The following DCAF11 variants were observed in gnomAD, a reference collection of about 807,000 sequenced individuals.
DCAF11 encodes DDB1 and CUL4 associated factor 11.
DCAF11 carries 44 observed loss-of-function variants against 76.1 expected under a neutral mutation model. The ratio of observed to expected loss-of-function variants is 0.58; its 90% CI spans 0.45 to 0.74. The LOEUF is 0.74. Ranked by LOEUF, DCAF11 falls within the 30% of genes least tolerant of loss-of-function variation. The pLI is 0.00. For missense variants in DCAF11, 604 were observed against 709.4 expected (o/e 0.85, Z 1.69); for synonymous variants, 258 against 255.0 (o/e 1.01, Z -0.11).
intron 14 of DCAF11, 24 bp from the exon 15 acceptor site, chr14:24,123,151 T>A: frequency 6.2e-7 from 1 of 1,613,962 alleles, no homozygotes; most frequent in Non-Finnish European, 8.5e-7. Context: ...ACATCCTGAC[T>A]GCTTGCCACC....
intron 11 of DCAF11, 57 bp downstream of exon 11, chr14:24,119,953 G>A (rs1472045636): frequency 1.3e-5 from 19 of 1,510,770 alleles, no homozygotes; most frequent in Non-Finnish European, 1.6e-5. Flanking sequence ...TTGCCCAGGA[G>A]GGCATGAAAG....
chr14:24,115,464 C>A lies in DCAF11; in HGVS notation c.-131C>A. The A allele has an allele frequency of 7.4e-7, 1 of 1,342,312 alleles. No individual in the cohort carries two copies. Among genetic ancestry groups the A allele is most frequent in the Non-Finnish European group, 1.0e-6 (1 of 997,600 alleles). The allele number at this position is 1,342,312 out of a possible 1,614,324, so 83.2% of individuals were successfully genotyped here. On this transcript the variant is annotated 5_prime_UTR_variant, in exon 2 of 15. Coordinates refer to ENST00000446197, the MANE Select transcript of DCAF11 (RefSeq NM_025230.5). Reference sequence around the variant, plus strand: ...GGATCTCAGCCCCGAGGAAGGGTCACCCTCCTAGAGATAGCTACTACCCCG... The same window carrying A: ...GGATCTCAGCCCCGAGGAAGGGTCAACCTCCTAGAGATAGCTACTACCCCG...
At chr14:24,119,359 C>G in intron 9 of DCAF11, 146 bp downstream of exon 9, 1 of 1,248,092 alleles carries the variant, frequency 8.0e-7, no homozygotes, top group Non-Finnish European at 1.2e-6. Context: ...TGCTTCACCC[C>G]TTGCTCTCCA....
chr14:24,117,532 C>T lies in DCAF11; in HGVS notation c.412-136C>T, dbSNP rs1019382108. On this transcript the variant is annotated intron_variant, in intron 4 of 14. Transcript: ENST00000446197. The surrounding 1 kb of genome is among the most constrained non-coding windows in gnomAD (Gnocchi z 4.3). ...GGCTGGAGAGTTAACCAGCCTCCAT[C>T]GGAGTTCTGTGGGACAGACTATGAT... 26 of 1,521,484 alleles carry T rather than the reference C, an allele frequency of 1.7e-5. No individual in the cohort carries two copies. Among genetic ancestry groups the T allele is most frequent in the South Asian group, 7.3e-5 (6 of 82,464 alleles). 94.2% of individuals were successfully genotyped at this position (1,521,484 alleles called of 1,614,324 possible).
At position 24,115,568 on chromosome 14, in the gene DCAF11, A is replaced by T; in HGVS notation, c.-27A>T. ...GAGGTGACAGGAGGAGCCCCCGCAC[A>T]GGACCTAAGAATGCTGTGACCAGAA... On this transcript the variant is annotated 5_prime_UTR_variant, in exon 2 of 15. Coordinates refer to ENST00000446197, the MANE Select transcript of DCAF11 (RefSeq NM_025230.5). The T allele has an allele frequency of 6.3e-7, 1 of 1,594,060 alleles. No individual in the cohort carries two copies. The highest frequency in any genetic ancestry group is 8.5e-7 in the Non-Finnish European group (1 of 1,169,838).
rs2037529469 is a variant in DCAF11, at chr14:24,115,500, C to T, written c.-95C>T. 7 of 1,501,870 alleles carry T rather than the reference C, an allele frequency of 4.7e-6. No individual in the cohort carries two copies. Among genetic ancestry groups the T allele is most frequent in the Admixed American group, 2.2e-5 (1 of 45,058 alleles). The allele number at this position is 1,501,870 out of a possible 1,614,324, so 93.0% of individuals were successfully genotyped here. A position where few individuals can be genotyped will look rare whatever the true frequency, so the allele number is the denominator to read the frequency against. ...ATAGCTACTACCCCGTCTCAGGAGA[C>T]CCTGGTATTTCTAGAGCACGCTTTG... On this transcript the variant is annotated 5_prime_UTR_variant, in exon 2 of 15. Coordinates refer to ENST00000446197, the MANE Select transcript of DCAF11 (RefSeq NM_025230.5).
rs142043152 is a variant in DCAF11, at chr14:24,117,365, A to T, written c.383A>T (p.Lys128Met). The change falls in exon 4 of 15, where the codon AAG becomes ATG. Residue 128 changes from lysine to methionine, a missense_variant. By Grantham distance (95) the Lys-to-Met change is moderately conservative. Coordinates refer to ENST00000446197, the MANE Select transcript of DCAF11 (RefSeq NM_025230.5). This position sits in a 1 kb window ranked among gnomAD's most constrained non-coding sequence, Gnocchi z 4.3. ...CTGGGGCTTAGGCGGGCCGCCCAGA[A>T]GCACAGCTTTCCTCGAATGTTGCAC... The part of the protein sequence containing the change: ...GQLGLRRAAQ[K>M]HSFPRMLHQR... 1.9e-4 allele frequency: 311 copies of T among 1,614,140 alleles called. No homozygotes were observed. Among genetic ancestry groups the T allele is most frequent in the Non-Finnish European group, 2.5e-4 (293 of 1,180,060 alleles).
Position 24,115,521 on chromosome 14 carries a change from C to T in DCAF11, c.-74C>T. On this transcript the variant is annotated 5_prime_UTR_variant, in exon 2 of 15. Coordinates refer to ENST00000446197, the MANE Select transcript of DCAF11 (RefSeq NM_025230.5). ...GAGACCCTGGTATTTCTAGAGCACG[C>T]TTTGCTTTCACCAAACCCAAGGAGG... is the stretch of plus-strand genomic sequence containing the variant. 1 of 1,525,764 alleles carries T rather than the reference C, an allele frequency of 6.6e-7. No individual in the cohort carries two copies. The highest frequency in any genetic ancestry group is 8.8e-7 in the Non-Finnish European group (1 of 1,138,146). 94.5% of individuals were successfully genotyped at this position (1,525,764 alleles called of 1,614,324 possible).
intron 11 of DCAF11, 142 bp downstream of exon 11, chr14:24,120,038 A>C: frequency 5.4e-5 from 58 of 1,076,070 alleles, no homozygotes; most frequent in Middle Eastern, 3.1e-4. Context: ...GAAGGGGCTC[A>C]AGCCAGGGAA....
In DCAF11 at chr14:24,123,077, G is replaced by A. The variant is rs1452462163; in HGVS notation, c.1506G>A (p.Ser502=). 5 of 1,614,072 alleles carry A rather than the reference G, an allele frequency of 3.1e-6. No homozygotes were observed. Among genetic ancestry groups the A allele is most frequent in the Admixed American group, 1.7e-5 (1 of 60,024 alleles). The change falls in exon 14 of 15, where the codon TCG becomes TCA. Residue 502 remains serine, a splice_region_variant and synonymous_variant. Coordinates refer to ENST00000446197, the MANE Select transcript of DCAF11 (RefSeq NM_025230.5). ...HPFEEKIVSS[S]WDGNLRLWQY... is the part of the protein sequence containing the mutation. The stretch of plus-strand genomic sequence containing the variant: ...TTGAAGAGAAGATTGTCAGCAGTTC[G>A]GTGAGGTTGCAAGGGTTGAGGGTGC...
At position 24,117,000 on chromosome 14, in the gene DCAF11, A is replaced by G. The variant is rs774815144; in HGVS notation, c.239A>G (p.Asp80Gly). 1.2e-6 allele frequency: 2 copies of G among 1,614,236 alleles called. No homozygotes were observed. Among genetic ancestry groups the G allele is most frequent in the Non-Finnish European group, 1.7e-6 (2 of 1,180,030 alleles). The stretch of plus-strand genomic sequence containing the variant: ...CTCTTGGACTCAGAGGAAGAGAATG[A>G]CAGAGCTTGGGATGGTCGTCTTGGG... ...QALLDSEEEN[D>G]RAWDGRLGDR... is the part of the protein sequence containing the mutation. Residue 80 changes from aspartate (D) to glycine (G), a missense_variant, in exon 3 of 15, where the codon GAC becomes GGC. By Grantham distance (94) the Asp-to-Gly change is moderately conservative. Transcript: ENST00000446197.
Position 24,114,860 on chromosome 14 carries a change from C to T in DCAF11, c.-647C>T. The T allele has an allele frequency of 3.0e-6, 3 of 985,942 alleles. No individual in the cohort carries two copies. The highest frequency in any genetic ancestry group is 3.6e-6 in the Non-Finnish European group (3 of 829,958). The allele number at this position is 985,942 out of a possible 1,614,324, so 61.1% of individuals were successfully genotyped here. On this transcript the variant is annotated 5_prime_UTR_variant, in exon 1 of 15. Coordinates refer to ENST00000446197, the MANE Select transcript of DCAF11 (RefSeq NM_025230.5). ...GTGACGGAGGAGCGGTTGGCCAACG[C>T]AGTGGCGGCAGTCGGTGTAAACAAG...
rs551323225 is a variant in DCAF11, at chr14:24,115,103, G to A, written c.-404G>A. On this transcript the variant is annotated 5_prime_UTR_variant, in exon 1 of 15. Coordinates refer to ENST00000446197, the MANE Select transcript of DCAF11 (RefSeq NM_025230.5). ...CACTGCTGCCGGCCTTTGTAAGGGG[G>A]CGCTCTGATTGGTCGATAAGGTGGG... The A allele has an allele frequency of 3.9e-5, 32 of 828,670 alleles. No individual in the cohort carries two copies. Among genetic ancestry groups the A allele is most frequent in the Non-Finnish European group, 1.7e-5 (12 of 686,316 alleles). 51.3% of individuals were successfully genotyped at this position (828,670 alleles called of 1,614,324 possible).
In DCAF11 at chr14:24,120,246, T is replaced by TA. The variant is rs1223791114; in HGVS notation, c.1092+361dup. On this transcript the variant is annotated intron_variant, in intron 11 of 14. Coordinates refer to ENST00000446197, the MANE Select transcript of DCAF11 (RefSeq NM_025230.5). ...TAGCGAGACCTCATCTCTATTTATT[T>TA]AAAAAAAAAAACAAAAAAAAAAAAC... 1.9e-3 allele frequency among the ~76,000 whole-genome samples: 279 copies of TA among 144,252 alleles called. 5 individuals are homozygous for TA. In the South Asian group the frequency reaches 0.033, roughly 17 times the overall value. 94.6% of individuals were successfully genotyped at this position (144,252 alleles called of 152,430 possible).
rs1352331472 is a variant in DCAF11 at position 24,123,200 on chromosome 14, A to G, written c.1532A>G (p.Gln511Arg). ...SSWDGNLRLWQYRQAEYFQDD... is the reference protein window; with the variant it reads ...SSWDGNLRLWRYRQAEYFQDD... ...TGGGACGGGAACCTGCGTCTGTGGC[A>G]GTACCGCCAGGCTGAGTACTTCCAG... Residue 511 changes from glutamine to arginine, a missense_variant, in exon 15 of 15, where the codon CAG becomes CGG. Physicochemically the swap from Gln to Arg is conservative, Grantham distance 43 (BLOSUM62 1). Coordinates refer to ENST00000446197, the MANE Select transcript of DCAF11 (RefSeq NM_025230.5). The G allele has an allele frequency of 1.2e-6, 2 of 1,604,356 alleles. No homozygotes were observed. The highest frequency in any genetic ancestry group is 1.7e-4 in the Middle Eastern group (1 of 6,020).
chr14:24,124,833 G>C lies in DCAF11; in HGVS notation c.*1524G>C, dbSNP rs1373620406. 1 of 152,222 alleles carries C rather than the reference G, an allele frequency of 6.6e-6. No homozygotes were observed. The highest frequency in any genetic ancestry group is 2.4e-5 in the African/African-American group (1 of 41,450). 9.4% of individuals were successfully genotyped at this position (152,222 alleles called of 1,614,324 possible). On this transcript the variant is annotated 3_prime_UTR_variant, in exon 15 of 15. Transcript: ENST00000446197. ...GAGATAGGTGGATCACCTGAAGTCA[G>C]GTGTTTGAGACCAGCCTGGCCAACA...
chr14:24,124,259 G>A lies in DCAF11; in HGVS notation c.*950G>A, dbSNP rs1246889669. 1 of 152,242 alleles carries A rather than the reference G, an allele frequency of 6.6e-6. No homozygotes were observed. The highest frequency in any genetic ancestry group is 2.4e-5 in the African/African-American group (1 of 41,454). The allele number at this position is 152,242 out of a possible 1,614,324, so 9.4% of individuals were successfully genotyped here. A position where few individuals can be genotyped will look rare whatever the true frequency, so the allele number is the denominator to read the frequency against. On this transcript the variant is annotated 3_prime_UTR_variant, in exon 15 of 15. Transcript: ENST00000446197. ...AGAAGCTTCCCTGCAAGTAGATATCGAGAGAGCACACTTTCCATTAGAGCC... is the reference window on the plus strand; with the variant it reads ...AGAAGCTTCCCTGCAAGTAGATATCAAGAGAGCACACTTTCCATTAGAGCC...
In DCAF11 at chr14:24,115,443, C is replaced by G. The variant is rs2037527952; in HGVS notation, c.-152C>G. 8.9e-7 allele frequency: 1 copy of G among 1,125,340 alleles called. No individual in the cohort carries two copies. Among genetic ancestry groups the G allele is most frequent in the Non-Finnish European group, 1.2e-6 (1 of 813,166 alleles). The allele number at this position is 1,125,340 out of a possible 1,614,324, so 69.7% of individuals were successfully genotyped here. On this transcript the variant is annotated 5_prime_UTR_variant, in exon 2 of 15. The change creates a new upstream start codon in the 5' untranslated region. Transcript: ENST00000446197. ...TTGGCATAGGCTAAAGAAAAGGGAT[C>G]TCAGCCCCGAGGAAGGGTCACCCTC...
intron 12 of DCAF11, 140 bp from the exon 13 acceptor site, chr14:24,121,225 T>G: frequency 8.1e-7 from 1 of 1,230,060 alleles, no homozygotes; most frequent in Non-Finnish European, 1.2e-6. Context: ...GTCCACTGAC[T>G]ATTAGGTGGA....
Sources: gnomAD v4.1 joint callset for allele counts (sites outside exome capture counted in the v4.1 genomes callset) on GRCh38, gnomAD v4.1.1 for gene constraint, Gnocchi (gnomAD v3.1) non-coding constraint, MANE v1.5 for transcripts, NCBI Gene and HGNC (gene_info 2026-07-23, HGNC 2026-07-21) for gene names.